Variants in PDE1C observed in about 807,000 individuals in gnomAD.
PDE1C encodes the protein dual specificity calcium/calmodulin-dependent 3',5'-cyclic nucleotide phosphodiesterase 1C.
A neutral mutation model predicts 93.1 loss-of-function variants in PDE1C; 62 were observed. The ratio of observed to expected loss-of-function variants is 0.67; its 90% CI spans 0.54 to 0.82. PDE1C has a LOEUF of 0.82. Ranked by LOEUF, PDE1C falls within the 40% of genes least tolerant of loss-of-function variation. PDE1C has a pLI of 0.00. For synonymous variants in PDE1C, 325 were observed against 310.1 expected (o/e 1.05, Z -0.50); for missense variants, 742 against 884.6 (o/e 0.84, Z 2.04).
chr7:31,922,946 T>C (rs887293252), intron 2 of PDE1C, among the ~76,000 whole-genome samples: 1 of 152,204 alleles, frequency 6.6e-6, no homozygotes, highest in Admixed American at 6.5e-5. Flanking sequence ...CTCTATCCTT[T>C]CTTTCTGCGT....
At chr7:32,402,756 T>C (rs73093977) in intron 1 of PDE1C, among the ~76,000 whole-genome samples, 37,462 of 152,186 alleles carry the variant, frequency 0.25, 5,418 homozygotes, top group Admixed American at 0.37. Context: ...ATAGTATTTA[T>C]ATAATGTTAG....
At chr7:31,703,201 T>C in the PDE1C span, among the ~76,000 whole-genome samples, 1 of 152,212 alleles carries the variant, frequency 6.6e-6, no homozygotes. Flanking sequence ...TTCCTTCCAT[T>C]CTCTGTTCAA....
chr7:31,643,231 G>A, the PDE1C span: 3 of 1,613,874 alleles, frequency 1.9e-6, no homozygotes, highest in Non-Finnish European at 1.7e-6. Context: ...ACGAGAAGAG[G>A]AAAGCAGTGG....
chr7:32,083,709 A>G (rs531850266), intron 3 of PDE1C, among the ~76,000 whole-genome samples: 4 of 152,286 alleles, frequency 2.6e-5, no homozygotes, highest in African/African-American at 9.6e-5. Flanking sequence ...ACATTCTTAA[A>G]GAAAATAATT....
At chr7:31,697,153 A>T in the PDE1C span, 1 of 1,609,800 alleles carries the variant, frequency 6.2e-7, no homozygotes, top group East Asian at 2.2e-5. Context: ...GCAGGGGGTG[A>T]TGGGGACAGG....
rs147930048 is a variant in PDE1C at position 32,206,358 on chromosome 7, A to C, written c.136+3131T>G. 3.0e-4 allele frequency among the ~76,000 whole-genome samples: 45 copies of C among 152,282 alleles called. 1 individual carries two copies. The highest frequency in any genetic ancestry group is 1.0e-3 in the African/African-American group (43 of 41,566). ...CTAGGTCAGGTGCAGTCAACCAGAC[A>C]CGGCCCATGGGCTCAAGGAGCTGAC... On this transcript the variant is annotated intron_variant, in intron 2 of 18. Coordinates refer to the PDE1C transcript ENST00000396193.
rs376301731 is a variant in PDE1C, at chr7:32,187,108, T to G, written c.137-17152A>C. 5.9e-5 allele frequency among the ~76,000 whole-genome samples: 9 copies of G among 152,240 alleles called. 2 individuals carry two copies. On this transcript the variant is annotated intron_variant, in intron 2 of 18. Transcript: ENST00000396193. ...TGTTTTAATCCAGATTGGGAAACTATTATAATTTTCTTTTCTTCTTTCTTT... is the reference window on the plus strand; with the variant it reads ...TGTTTTAATCCAGATTGGGAAACTAGTATAATTTTCTTTTCTTCTTTCTTT...
the PDE1C span, among the ~76,000 whole-genome samples, chr7:31,645,672 G>A: frequency 6.6e-6 from 1 of 152,082 alleles, no homozygotes; most frequent in South Asian, 2.1e-4. Context: ...TAAGTAAATG[G>A]TTTTCAACTG....
intron 2 of PDE1C, among the ~76,000 whole-genome samples, chr7:31,924,187 T>G (rs996583923): frequency 4.6e-5 from 7 of 152,216 alleles, no homozygotes; most frequent in Non-Finnish European, 1.0e-4. Flanking sequence ...GCATCCTGTA[T>G]GGATTTCCTT....
intron 1 of PDE1C, among the ~76,000 whole-genome samples, chr7:32,060,291 TC>T (rs1313049633): frequency 6.6e-6 from 1 of 152,180 alleles, no homozygotes; most frequent in African/African-American, 2.4e-5. Context: ...CCTGCAGTGT[TC>T]CTTCCCTCTC....
chr7:32,296,179 T>C (rs1812601442), intron 1 of PDE1C, among the ~76,000 whole-genome samples: 1 of 152,256 alleles, frequency 6.6e-6, no homozygotes, highest in Non-Finnish European at 1.5e-5. Flanking sequence ...TGATTTTCTT[T>C]CTTCCTTTTT....
chr7:31,771,382 T>C (rs1047113010), intron 17 of PDE1C, among the ~76,000 whole-genome samples: 1 of 152,218 alleles, frequency 6.6e-6, no homozygotes, highest in Non-Finnish European at 1.5e-5. Context: ...CACCAATACC[T>C]GCTATTTGCT....
At chr7:31,644,151 A>G in the PDE1C span, among the ~76,000 whole-genome samples, 2 of 152,212 alleles carry the variant, frequency 1.3e-5, no homozygotes, top group African/African-American at 2.4e-5. Flanking sequence ...CCAATCAATC[A>G]CCTTTAGAAA....
At chr7:31,849,182 G>C (rs547644925) in intron 8 of PDE1C, among the ~76,000 whole-genome samples, 2 of 152,152 alleles carry the variant, frequency 1.3e-5, no homozygotes, top group African/African-American at 4.8e-5. Flanking sequence ...TGTATATTTC[G>C]TGACACTTTT....
intron 2 of PDE1C, among the ~76,000 whole-genome samples, chr7:32,030,124 CAA>C (rs1790120768): frequency 7.0e-6 from 1 of 142,770 alleles, no homozygotes; most frequent in Non-Finnish European, 1.5e-5. Flanking sequence ...CACACACACA[CAA>C]AGTGACAATA....
chr7:31,930,848 C>CAAAAAAAAAAAAAAAAAAAAAAA (rs56394903), intron 2 of PDE1C, among the ~76,000 whole-genome samples: 1 of 32,642 alleles, frequency 3.1e-5, no homozygotes, highest in Non-Finnish European at 4.7e-5. Context: ...GACTCTGTCT[C>CAAAAAAAAAAAAAAAAAAAAAAA]AAAAAAAAAA....
At chr7:31,953,121 T>A (rs1807637345) in intron 2 of PDE1C, among the ~76,000 whole-genome samples, 1 of 152,236 alleles carries the variant, frequency 6.6e-6, no homozygotes, top group Non-Finnish European at 1.5e-5. Context: ...TGGCATTAAC[T>A]GGTAGCCATT....
chr7:31,781,001 A>G (rs1282877972), intron 16 of PDE1C, among the ~76,000 whole-genome samples: 5 of 152,222 alleles, frequency 3.3e-5, no homozygotes, highest in Non-Finnish European at 7.3e-5. Context: ...GACTTGAGGT[A>G]TCCTTTGACA....
chr7:31,642,574 C>A, the PDE1C span: 33 of 991,492 alleles, frequency 3.3e-5, no homozygotes, highest in East Asian at 8.1e-4. Context: ...GATGTTGCAA[C>A]CCTTATCTCC....
Sources: gnomAD v4.1 joint callset for allele counts (sites outside exome capture counted in the v4.1 genomes callset) on GRCh38, gnomAD v4.1.1 for gene constraint, MANE v1.5 for transcripts, NCBI Gene and HGNC (gene_info 2026-07-23, HGNC 2026-07-21) for gene names.